SHISA6: variants seen among roughly 807,000 people sequenced by gnomAD.
SHISA6 encodes the protein shisa family member 6, also known as protein shisa-6.
Under a neutral mutation model 47.9 loss-of-function variants are expected in SHISA6, and 22 were observed. That is an observed-to-expected ratio of 0.46 (90% CI 0.33 to 0.66). The LOEUF (loss-of-function observed/expected upper bound fraction) is 0.66, where lower values mean the gene tolerates loss of function less well. Ranked by LOEUF, SHISA6 falls within the 30% of genes least tolerant of loss-of-function variation. SHISA6 has a pLI of 0.02. For missense variants in SHISA6, 680 were observed against 764.6 expected, an observed-to-expected ratio of 0.89 and a Z score of 1.30; for synonymous variants, 388 against 337.8, an observed-to-expected ratio of 1.15 and a Z score of -1.63.
chr17:11,241,555 C>G lies in SHISA6; in HGVS notation c.133C>G (p.Arg45Gly). 9.2e-7 allele frequency: 1 copy of G among 1,086,474 alleles called. No individual in the cohort carries two copies. Among genetic ancestry groups the G allele is most frequent in the Non-Finnish European group, 1.1e-6 (1 of 897,892 alleles). 67.3% of individuals were successfully genotyped at this position (1,086,474 alleles called of 1,614,324 possible). A position where few individuals can be genotyped will look rare whatever the true frequency, so the allele number is the denominator to read the frequency against. ...TGCAGGCGGCGCTGCCGTCGGGGGC[C>G]GGAGGGCCGGGGGCGCCCTGGCACG... ...LSAGGAAVGG[R>G]RAGGALARGG... The change falls in exon 1 of 6, where the codon CGG becomes GGG. Residue 45 changes from arginine (R) to glycine (G), a missense_variant. Transcript: ENST00000441885. The surrounding 1 kb of genome is among the most constrained non-coding windows in gnomAD (Gnocchi z 5.5).
At chr17:11,253,907 C>T (rs1261778924) in intron 1 of SHISA6, among the ~76,000 whole-genome samples, 2 of 152,006 alleles carry the variant, frequency 1.3e-5, no homozygotes, top group Non-Finnish European at 2.9e-5. Flanking sequence ...GAAAACTTGT[C>T]CGGACTTCGA....
chr17:11,288,298 T>C (rs563460264), intron 2 of SHISA6: 5 of 152,240 alleles, frequency 3.3e-5, no homozygotes, highest in Non-Finnish European at 5.9e-5. Flanking sequence ...ACCCTGCTGT[T>C]GGCCATGGAA....
intron 3 of SHISA6, among the ~76,000 whole-genome samples, chr17:11,472,908 A>G (rs937986058): frequency 6.6e-6 from 1 of 152,176 alleles, no homozygotes; most frequent in Non-Finnish European, 1.5e-5. Context: ...TTGATGACAT[A>G]TGATCTAGAC....
chr17:11,463,935 G>T (rs1315570420), intron 3 of SHISA6, among the ~76,000 whole-genome samples: 4 of 152,102 alleles, frequency 2.6e-5, no homozygotes, highest in Non-Finnish European at 5.9e-5. Flanking sequence ...TGTTTGTTTT[G>T]AGACAGGGTC....
intron 2 of SHISA6, among the ~76,000 whole-genome samples, chr17:11,278,945 C>T (rs1297263578): frequency 6.6e-6 from 1 of 152,138 alleles, no homozygotes; most frequent in Non-Finnish European, 1.5e-5. Flanking sequence ...GCCAGCCAAG[C>T]CTTGGAGAGG....
At position 11,473,981 on chromosome 17, in the gene SHISA6, C is replaced by A. The variant is rs151268190; in HGVS notation, c.896-77915C>A. ...TGTCCATATGTTCTCATTGTTCAAC[C>A]CCCACTTATGAGTGAGAACATGCAG... On this transcript the variant is annotated intron_variant, in intron 3 of 5. Transcript: ENST00000441885. Among the ~76,000 whole-genome samples, 1,103 of 152,098 alleles carry A rather than the reference C, an allele frequency of 7.3e-3. 9 individuals are homozygous for A. The highest frequency in any genetic ancestry group is 0.025 in the African/African-American group (1,043 of 41,514).
intron 3 of SHISA6, among the ~76,000 whole-genome samples, chr17:11,428,012 G>A (rs1914650865): frequency 6.6e-6 from 1 of 152,202 alleles, no homozygotes. Context: ...CATGTAGAAT[G>A]AAGCATGAAG....
intron 2 of SHISA6, among the ~76,000 whole-genome samples, chr17:11,274,619 A>G (rs1159545060): frequency 6.6e-6 from 1 of 152,124 alleles, no homozygotes. Context: ...AGTAAAGGCT[A>G]TTTGGGAAAC....
At chr17:11,290,532 A>C (rs1021713761) in intron 2 of SHISA6, 2 of 151,788 alleles carry the variant, frequency 1.3e-5, no homozygotes, top group African/African-American at 2.4e-5. Context: ...TTGTGTTTTT[A>C]GTAGAGACGG....
At chr17:11,475,389 T>C (rs887143562) in intron 3 of SHISA6, among the ~76,000 whole-genome samples, 3 of 152,158 alleles carry the variant, frequency 2.0e-5, no homozygotes, top group African/African-American at 4.8e-5. Context: ...AAGTTTCTTA[T>C]CATTGAATGT....
chr17:11,474,405 GTTTT>G (rs55978546), intron 3 of SHISA6, among the ~76,000 whole-genome samples: 80 of 141,468 alleles, frequency 5.7e-4, no homozygotes, highest in East Asian at 1.5e-3. Flanking sequence ...CTTTTTGATG[GTTTT>G]TTTTTTTTTT....
At chr17:11,301,119 T>C (rs2142177529) in intron 2 of SHISA6, among the ~76,000 whole-genome samples, 1 of 152,214 alleles carries the variant, frequency 6.6e-6, no homozygotes, top group African/African-American at 2.4e-5. Flanking sequence ...TGTCAGAGCC[T>C]CTCTGCCTGT....
chr17:11,259,267 A>T (rs1908136813), intron 1 of SHISA6, among the ~76,000 whole-genome samples: 1 of 152,194 alleles, frequency 6.6e-6, no homozygotes, highest in Non-Finnish European at 1.5e-5. Flanking sequence ...TGAATTCAGC[A>T]CTTACTAGCT....
chr17:11,421,482 G>A (rs941933471), intron 3 of SHISA6, among the ~76,000 whole-genome samples: 1 of 152,124 alleles, frequency 6.6e-6, no homozygotes, highest in African/African-American at 2.4e-5. Context: ...TCTAGAGGCT[G>A]GTCCCTGCAG....
intron 2 of SHISA6, among the ~76,000 whole-genome samples, chr17:11,328,906 T>G (rs1911005679): frequency 6.6e-6 from 1 of 152,188 alleles, no homozygotes; most frequent in Admixed American, 6.5e-5. Context: ...TGGGCGCATC[T>G]GCTGTGAGGC....
At chr17:11,480,577 A>T (rs1316359819) in intron 3 of SHISA6, among the ~76,000 whole-genome samples, 1 of 152,052 alleles carries the variant, frequency 6.6e-6, no homozygotes, top group African/African-American at 2.4e-5. Context: ...GTTTTCAGTG[A>T]TGGGGTTTTC....
At chr17:11,263,845 G>A (rs899548891) in intron 2 of SHISA6, among the ~76,000 whole-genome samples, 31 of 152,166 alleles carry the variant, frequency 2.0e-4, no homozygotes, top group African/African-American at 6.5e-4. Flanking sequence ...ATTCGCCCAC[G>A]TGGTGGGAAA....
chr17:11,454,138 C>T (rs185389049), intron 3 of SHISA6, among the ~76,000 whole-genome samples: 17 of 152,256 alleles, frequency 1.1e-4, no homozygotes, highest in Admixed American at 6.5e-4. Flanking sequence ...TTTTTAAAGT[C>T]AAAACCTGGC....
chr17:11,540,599 TAA>T (rs946344142), intron 3 of SHISA6, among the ~76,000 whole-genome samples: 1 of 152,182 alleles, frequency 6.6e-6, no homozygotes, highest in African/African-American at 2.4e-5. Flanking sequence ...GTCCTTTTGT[TAA>T]AGTCCCCCCA....
Sources: gnomAD v4.1 joint callset for allele counts (sites outside exome capture counted in the v4.1 genomes callset) on GRCh38, gnomAD v4.1.1 for gene constraint, Gnocchi (gnomAD v3.1) non-coding constraint, MANE v1.5 for transcripts, NCBI Gene and HGNC (gene_info 2026-07-23, HGNC 2026-07-21) for gene names.